The following TRPM1 variants were observed in gnomAD, a reference collection of about 807,000 sequenced individuals.
TRPM1 encodes TRPM1-203 APA Isoform, Intron 10.
A neutral mutation model predicts 149.4 loss-of-function variants in TRPM1; 113 were observed. The observed-to-expected ratio is 0.76, with a 90% CI of 0.65 to 0.88. TRPM1 has a LOEUF of 0.88. TRPM1 is among the 40% of genes least tolerant of loss of function. TRPM1 has a pLI of 0.00. For synonymous variants in TRPM1, 741 were observed against 759.5 expected, an observed-to-expected ratio of 0.98 and a Z score of 0.40; for missense variants, 1,976 against 2,038.7, an observed-to-expected ratio of 0.97 and a Z score of 0.59.
intron 1 of TRPM1, among the ~76,000 whole-genome samples, chr15:31,130,441 C>T (rs1020505101): frequency 5.3e-5 from 8 of 152,182 alleles, no homozygotes; most frequent in African/African-American, 1.9e-4. Context: ...AAGATGATAA[C>T]AGCCCTTTTC....
intron 14 of TRPM1, among the ~76,000 whole-genome samples, chr15:31,047,650 G>T (rs1225147947): frequency 6.6e-6 from 1 of 152,202 alleles, no homozygotes; most frequent in Non-Finnish European, 1.5e-5. Flanking sequence ...CCTGGCGCTG[G>T]CGTCAACCTA....
Position 31,067,066 on chromosome 15 carries a change from C to T in TRPM1, c.615G>A (p.Lys205=), listed in dbSNP as rs141363524. 5.2e-4 allele frequency: 832 copies of T among 1,614,144 alleles called. 3 individuals are homozygous for T. The African/African-American group carries it at 9.9e-3, about 19-fold the overall frequency. ...CATTTGCAGAGAAAACACTTACATC[C>T]TTTCCAACCAGGTCTTCCTTATTCT... ...IVENKEDLVG[K]DVTRVYQTMS... The change falls in exon 6 of 28, where the codon AAG becomes AAA. Residue 205 remains lysine, a synonymous_variant. Coordinates refer to ENST00000256552, the MANE Select transcript of TRPM1 (RefSeq NM_001252024.2).
upstream of TRPM1, among the ~76,000 whole-genome samples, chr15:31,104,941 C>T (rs1003682786): frequency 1.3e-5 from 2 of 152,108 alleles, no homozygotes; most frequent in African/African-American, 4.8e-5. Flanking sequence ...TATTTGTTAG[C>T]TGGAATTCAT....
At chr15:31,037,969 C>T in intron 19 of TRPM1, 75 bp downstream of exon 19, 1 of 1,612,330 alleles carries the variant, frequency 6.2e-7, no homozygotes, top group Non-Finnish European at 8.5e-7. Context: ...ATTTCTCAAT[C>T]TGTGGTACAA....
chr15:31,067,259 A>T, intron 5 of TRPM1, 72 bp from the exon 6 acceptor site: 2 of 1,611,142 alleles, frequency 1.2e-6, no homozygotes, highest in Non-Finnish European at 1.7e-6. Context: ...AAATTTAGGG[A>T]CACTTGCCCT....
rs1260618893 is a variant in TRPM1, at chr15:31,046,263, C to T, written c.1765-30G>A. The T allele has an allele frequency of 2.1e-5, 34 of 1,606,298 alleles. No homozygotes were observed. In the Middle Eastern group the frequency reaches 8.3e-4, roughly 39 times the overall value. On this transcript the variant is annotated intron_variant, in intron 15 of 27. Transcript: ENST00000256552. ...ATGGTGAAAGAGGAAGAAAAAAAAT[C>T]AATTTACTTAGATAACTAATGTTAG...
At chr15:31,102,001 G>A (rs1434706494), upstream of TRPM1, among the ~76,000 whole-genome samples, 1 of 152,250 alleles carries the variant, frequency 6.6e-6, no homozygotes, top group Non-Finnish European at 1.5e-5. Context: ...TCCCTGGCTG[G>A]AAATGTCAGC....
At position 31,001,755 on chromosome 15, in the gene TRPM1, G is replaced by T; in HGVS notation, c.*67C>A. 1 of 1,529,602 alleles carries T rather than the reference G, an allele frequency of 6.5e-7. No individual in the cohort carries two copies. Among genetic ancestry groups the T allele is most frequent in the Non-Finnish European group, 8.8e-7 (1 of 1,137,438 alleles). 94.8% of individuals were successfully genotyped at this position (1,529,602 alleles called of 1,614,324 possible). On this transcript the variant is annotated 3_prime_UTR_variant, in exon 28 of 28. Coordinates refer to ENST00000256552, the MANE Select transcript of TRPM1 (RefSeq NM_001252024.2). Reference sequence around the variant, plus strand: ...TGTTTTTAGAAATTGATGATGTTTAGATGGCCAAGATGACACCCATTAGTG... The same window carrying T: ...TGTTTTTAGAAATTGATGATGTTTATATGGCCAAGATGACACCCATTAGTG...
At chr15:31,120,170 TTAAATA>T (rs2035856896) in intron 1 of TRPM1, among the ~76,000 whole-genome samples, 1 of 152,098 alleles carries the variant, frequency 6.6e-6, no homozygotes, top group Non-Finnish European at 1.5e-5. Flanking sequence ...AATGTCCACT[TTAAATA>T]TAAAGATATA....
At position 31,110,590 on chromosome 15, in the gene TRPM1, C is replaced by T. The variant is rs114805902; in HGVS notation, c.55-33606G>A. On this transcript the variant is annotated intron_variant, in intron 1 of 26. Transcript: ENST00000542188. Reference sequence around the variant, plus strand: ...TGGCCAAAATATGCTGGCCGTTCTCCGTAGGCCGCCCAGCCTCGTCAACAG... The same window carrying T: ...TGGCCAAAATATGCTGGCCGTTCTCTGTAGGCCGCCCAGCCTCGTCAACAG... 6.4e-3 allele frequency among the ~76,000 whole-genome samples: 971 copies of T among 152,254 alleles called. 13 individuals are homozygous for T. The highest frequency in any genetic ancestry group is 0.022 in the African/African-American group (926 of 41,550).
intron 18 of TRPM1, among the ~76,000 whole-genome samples, chr15:31,038,985 C>T (rs545543750): frequency 6.7e-6 from 1 of 148,854 alleles, no homozygotes; most frequent in South Asian, 2.1e-4. Context: ...AGAAAACATG[C>T]TTCCCCTTTT....
intron 1 of TRPM1, among the ~76,000 whole-genome samples, chr15:31,081,774 G>A (rs985504647): frequency 7.9e-5 from 12 of 152,132 alleles, no homozygotes; most frequent in African/African-American, 2.4e-4. Flanking sequence ...TCAACCTCCC[G>A]GTGGAGCAGT....
At chr15:31,128,316 C>G (rs536819140) in intron 1 of TRPM1, among the ~76,000 whole-genome samples, 1 of 152,188 alleles carries the variant, frequency 6.6e-6, no homozygotes, top group South Asian at 2.1e-4. Flanking sequence ...CACCGGCTGC[C>G]GTGGAGCTCT....
intron 1 of TRPM1, among the ~76,000 whole-genome samples, chr15:31,146,315 T>C (rs1277097686): frequency 6.6e-6 from 1 of 152,360 alleles, no homozygotes; most frequent in East Asian, 1.9e-4. Flanking sequence ...CTAATAGTTC[T>C]GGTCACTCTC....
At chr15:31,109,439 G>A (rs1352650898) in intron 1 of TRPM1, among the ~76,000 whole-genome samples, 3 of 151,364 alleles carry the variant, frequency 2.0e-5, no homozygotes, top group Non-Finnish European at 4.4e-5. Flanking sequence ...GCTCACGCCT[G>A]TAATCCCAGT....
chr15:31,105,180 T>A (rs2035585978), upstream of TRPM1, among the ~76,000 whole-genome samples: 1 of 152,232 alleles, frequency 6.6e-6, no homozygotes, highest in African/African-American at 2.4e-5. Flanking sequence ...ATTGTTCACA[T>A]GGTCCCAGTT....
intron 3 of TRPM1, among the ~76,000 whole-genome samples, chr15:31,072,603 G>A (rs1037766373): frequency 6.6e-6 from 1 of 152,128 alleles, no homozygotes; most frequent in African/African-American, 2.4e-5. Context: ...CCACCAAACT[G>A]TTCTCCAAGG....
At chr15:31,049,785 G>A (rs1384660792) in intron 12 of TRPM1, among the ~76,000 whole-genome samples, 4 of 152,168 alleles carry the variant, frequency 2.6e-5, no homozygotes, top group Non-Finnish European at 5.9e-5. Context: ...CCTGGCATTG[G>A]CCTGCCCAGT....
In TRPM1 at chr15:31,038,082, C is replaced by T; in HGVS notation, c.2401G>A (p.Glu801Lys). 6.2e-7 allele frequency: 1 copy of T among 1,614,132 alleles called. No individual in the cohort carries two copies. Among genetic ancestry groups the T allele is most frequent in the Non-Finnish European group, 8.5e-7 (1 of 1,180,012 alleles). The change falls in exon 19 of 28, where the codon GAA becomes AAA. Residue 801 changes from glutamate to lysine, a missense_variant. Around this residue, in one of 3 missense-constraint regions of TRPM1, gnomAD observed 1,332 missense variants for 1,347.1 expected, o/e 0.99. Coordinates refer to ENST00000256552, the MANE Select transcript of TRPM1 (RefSeq NM_001252024.2). ...YDDFSYQTSK[E>K]NEDGKEKEEE... ...TCTTTTTCTTTGCCATCCTCATTTT[C>T]CTTGGATGTTTGATACGAGAAATCA...
Sources: gnomAD v4.1 joint callset for allele counts (sites outside exome capture counted in the v4.1 genomes callset) on GRCh38, gnomAD v4.1.1 for gene constraint, gnomAD v4.1.1 regional missense constraint, MANE v1.5 for transcripts, NCBI Gene and HGNC (gene_info 2026-07-23, HGNC 2026-07-21) for gene names.